TLN2: variants seen among roughly 807,000 people sequenced by gnomAD.
The protein encoded by TLN2 is talin 2.
TLN2 carries 118 observed loss-of-function variants against 294.7 expected under a neutral mutation model. That is an observed-to-expected ratio of 0.40 (90% CI 0.34 to 0.47). The LOEUF is 0.47. Among genes scored for constraint, TLN2 ranks in the 20% least tolerant of loss-of-function variants. The pLI is 0.84. For synonymous variants in TLN2, 1,431 were observed against 1,304.5 expected, an observed-to-expected ratio of 1.10 and a Z score of -2.09; for missense variants, 3,083 against 3,282.2, an observed-to-expected ratio of 0.94 and a Z score of 1.48.
At chr15:62,409,835 A>T (rs2033654966) in intron 1 of TLN2, among the ~76,000 whole-genome samples, 1 of 152,240 alleles carries the variant, frequency 6.6e-6, no homozygotes, top group Admixed American at 6.5e-5. Context: ...AGATCTTGGT[A>T]TTCTAAGTTC....
At chr15:62,786,755 C>G (rs904652049) in intron 45 of TLN2, among the ~76,000 whole-genome samples, 4 of 152,184 alleles carry the variant, frequency 2.6e-5, no homozygotes, top group African/African-American at 9.7e-5. Flanking sequence ...CCCCAAGACA[C>G]ACGTGCTGGA....
At chr15:62,748,884 C>T (rs1267239556) in intron 33 of TLN2, among the ~76,000 whole-genome samples, 7 of 152,148 alleles carry the variant, frequency 4.6e-5, no homozygotes, top group Non-Finnish European at 1.0e-4. Flanking sequence ...GCATCTGTAC[C>T]ATGTAGGGAA....
intron 12 of TLN2, chr15:62,688,031 T>C (rs571909714): frequency 6.6e-6 from 1 of 152,296 alleles, no homozygotes; most frequent in South Asian, 2.1e-4. Flanking sequence ...AGGTATGTGG[T>C]AGAAAGTGAA....
chr15:62,614,962 C>T (rs1220607139), intron 2 of TLN2, among the ~76,000 whole-genome samples: 9 of 152,104 alleles, frequency 5.9e-5, no homozygotes, highest in African/African-American at 1.7e-4. Flanking sequence ...CTCACCACCA[C>T]GCCTGGCTAA....
chr15:62,391,127 A>T (rs1258126657), intron 1 of TLN2, among the ~76,000 whole-genome samples: 2 of 152,138 alleles, frequency 1.3e-5, no homozygotes, highest in African/African-American at 4.8e-5. Context: ...GCGCCAGAAG[A>T]GTTGGCGCTG....
chr15:62,795,365 A>T (rs2065400566), intron 46 of TLN2, among the ~76,000 whole-genome samples: 2 of 151,942 alleles, frequency 1.3e-5, no homozygotes, highest in South Asian at 2.1e-4. Context: ...GCCAGGGGAG[A>T]TTTGTAAGCA....
At chr15:62,428,419 G>A (rs2034832288) in intron 1 of TLN2, among the ~76,000 whole-genome samples, 1 of 152,240 alleles carries the variant, frequency 6.6e-6, no homozygotes, top group African/African-American at 2.4e-5. Flanking sequence ...TGCGTTTAGT[G>A]TAGACGTAAT....
chr15:62,583,884 T>C (rs781541314), intron 1 of TLN2, among the ~76,000 whole-genome samples: 20 of 152,212 alleles, frequency 1.3e-4, no homozygotes, highest in Admixed American at 6.5e-5. Flanking sequence ...CAATAAAGAA[T>C]TCATGGCATC....
intron 1 of TLN2, among the ~76,000 whole-genome samples, chr15:62,454,491 A>G (rs555318809): frequency 6.6e-6 from 1 of 152,168 alleles, no homozygotes; most frequent in East Asian, 1.9e-4. Context: ...GAACTTTGGG[A>G]TGCCAGGTGG....
intron 9 of TLN2, among the ~76,000 whole-genome samples, chr15:62,670,873 G>A (rs953037599): frequency 1.3e-5 from 2 of 152,172 alleles, no homozygotes; most frequent in Non-Finnish European, 2.9e-5. Flanking sequence ...CTTTTTTACA[G>A]CAGCTGTACC....
intron 1 of TLN2, among the ~76,000 whole-genome samples, chr15:62,545,191 G>A (rs992800957): frequency 6.6e-6 from 1 of 152,022 alleles, no homozygotes; most frequent in African/African-American, 2.4e-5. Flanking sequence ...GCCCACCTCG[G>A]CCTTCCGGAG....
intron 57 of TLN2, among the ~76,000 whole-genome samples, chr15:62,836,560 T>C (rs763296678): frequency 2.0e-5 from 3 of 152,228 alleles, no homozygotes; most frequent in Non-Finnish European, 2.9e-5. Flanking sequence ...AGAGGAGGCC[T>C]TCAGCCAGTG....
chr15:62,484,201 G>A (rs570159026), intron 1 of TLN2, among the ~76,000 whole-genome samples: 1 of 152,304 alleles, frequency 6.6e-6, no homozygotes, highest in Non-Finnish European at 1.5e-5. Context: ...CTGATGAAGT[G>A]AATTGGACTT....
chr15:62,676,335 C>G (rs1475423841), intron 11 of TLN2, among the ~76,000 whole-genome samples: 1 of 152,178 alleles, frequency 6.6e-6, no homozygotes, highest in East Asian at 1.9e-4. Context: ...ACCAAACTAG[C>G]TCTCAGTTTT....
chr15:62,614,202 G>C (rs1168600527), intron 2 of TLN2, among the ~76,000 whole-genome samples: 11 of 152,172 alleles, frequency 7.2e-5, no homozygotes, highest in Admixed American at 7.2e-4. Flanking sequence ...TGCTGCTGTA[G>C]CACAGAATTC....
intron 2 of TLN2, among the ~76,000 whole-genome samples, chr15:62,606,648 C>G (rs2047473117): frequency 6.6e-6 from 1 of 152,134 alleles, no homozygotes; most frequent in Admixed American, 6.5e-5. Flanking sequence ...TCCTAACCAC[C>G]AGACACTGCC....
intron 1 of TLN2, among the ~76,000 whole-genome samples, chr15:62,432,304 A>C (rs868299627): frequency 6.6e-6 from 1 of 152,182 alleles, no homozygotes; most frequent in African/African-American, 2.4e-5. Flanking sequence ...TTTTCAAAGA[A>C]CAGACATTTA....
At chr15:62,583,342 G>A (rs374096183) in intron 1 of TLN2, among the ~76,000 whole-genome samples, 1 of 152,094 alleles carries the variant, frequency 6.6e-6, no homozygotes, top group East Asian at 1.9e-4. Flanking sequence ...CTGACTAATT[G>A]AAATTCCTAG....
At chr15:62,617,607 C>G (rs922716062) in intron 2 of TLN2, among the ~76,000 whole-genome samples, 1 of 152,188 alleles carries the variant, frequency 6.6e-6, no homozygotes, top group African/African-American at 2.4e-5. Context: ...GATGCCATCT[C>G]ACAAGGCCTC....
Sources: gnomAD v4.1 joint callset for allele counts (sites outside exome capture counted in the v4.1 genomes callset) on GRCh38, gnomAD v4.1.1 for gene constraint, MANE v1.5 for transcripts, NCBI Gene and HGNC (gene_info 2026-07-23, HGNC 2026-07-21) for gene names.